AGBL4: variants seen among roughly 807,000 people sequenced by gnomAD.
The protein encoded by AGBL4 is cytosolic carboxypeptidase 6.
AGBL4 carries 58 observed loss-of-function variants against 66.4 expected under a neutral mutation model. That is an observed-to-expected ratio of 0.87 (90% CI 0.71 to 1.09). The LOEUF (loss-of-function observed/expected upper bound fraction) is 1.09, where lower values mean the gene tolerates loss of function less well. Among genes scored for constraint, AGBL4 ranks in the 50% least tolerant of loss-of-function variants. The pLI, the probability that AGBL4 is intolerant of heterozygous loss-of-function variation, is 0.00. For missense variants in AGBL4, 579 were observed against 631.0 expected (o/e 0.92, Z 0.88); for synonymous variants, 234 against 222.9 (o/e 1.05, Z -0.44).
chr1:48,670,737 A>AC (rs1466186729), intron 6 of AGBL4, among the ~76,000 whole-genome samples: 1 of 152,128 alleles, frequency 6.6e-6, no homozygotes, highest in Non-Finnish European at 1.5e-5. Context: ...CAGGCTCCCT[A>AC]CCCCTATCTA....
At chr1:49,981,280 TA>T (rs1425012355) in intron 1 of AGBL4, among the ~76,000 whole-genome samples, 2 of 152,202 alleles carry the variant, frequency 1.3e-5, no homozygotes, top group African/African-American at 2.4e-5. Flanking sequence ...GACAATGCAT[TA>T]TTTTTGTAGT....
chr1:49,073,584 C>T (rs1177923318), intron 4 of AGBL4, among the ~76,000 whole-genome samples: 2 of 152,198 alleles, frequency 1.3e-5, no homozygotes, highest in Non-Finnish European at 2.9e-5. Context: ...GTGGAGGCTG[C>T]AGAACAGCAA....
chr1:48,611,087 C>T (rs547472614), intron 9 of AGBL4, among the ~76,000 whole-genome samples: 56 of 152,364 alleles, frequency 3.7e-4, no homozygotes, highest in Non-Finnish European at 7.5e-4. Flanking sequence ...CTGCTCACAG[C>T]TAAAGCCATT....
At chr1:49,680,358 C>T (rs948260774) in intron 3 of AGBL4, among the ~76,000 whole-genome samples, 34 of 141,156 alleles carry the variant, frequency 2.4e-4, no homozygotes, top group African/African-American at 8.5e-4. Context: ...CAGATTCTTT[C>T]TTTTATCATT....
At chr1:49,752,207 C>T (rs1651531768) in intron 2 of AGBL4, among the ~76,000 whole-genome samples, 1 of 152,146 alleles carries the variant, frequency 6.6e-6, no homozygotes, top group African/African-American at 2.4e-5. Flanking sequence ...CTCATGAGGG[C>T]ATTTAGTGCT....
chr1:49,738,865 T>A (rs1296819704), intron 2 of AGBL4, among the ~76,000 whole-genome samples: 1 of 152,112 alleles, frequency 6.6e-6, no homozygotes. Flanking sequence ...GAAGGAAAAC[T>A]AACAAACAGA....
At chr1:49,630,339 T>C (rs1326947967) in intron 3 of AGBL4, among the ~76,000 whole-genome samples, 4 of 152,198 alleles carry the variant, frequency 2.6e-5, no homozygotes, top group African/African-American at 9.6e-5. Flanking sequence ...GAGTATAGCA[T>C]GTTCTGTGTG....
At chr1:49,225,847 T>C (rs1394788992) in intron 4 of AGBL4, among the ~76,000 whole-genome samples, 5 of 152,164 alleles carry the variant, frequency 3.3e-5, no homozygotes, top group Admixed American at 2.0e-4. Flanking sequence ...CCAGAGCCAG[T>C]AGTGTCTGAG....
At chr1:49,931,209 T>C (rs946845418) in intron 1 of AGBL4, among the ~76,000 whole-genome samples, 22 of 152,234 alleles carry the variant, frequency 1.4e-4, no homozygotes, top group African/African-American at 5.1e-4. Context: ...ATACACTATC[T>C]CTATATTATA....
chr1:49,398,673 T>C (rs1361015052), intron 3 of AGBL4, among the ~76,000 whole-genome samples: 2 of 152,152 alleles, frequency 1.3e-5, no homozygotes, highest in Non-Finnish European at 2.9e-5. Flanking sequence ...AAGCCAGAAA[T>C]CTTCAAAACT....
At chr1:49,772,316 G>C (rs1274547801) in intron 2 of AGBL4, among the ~76,000 whole-genome samples, 1 of 152,018 alleles carries the variant, frequency 6.6e-6, no homozygotes, top group Admixed American at 6.6e-5. Flanking sequence ...TATTTTGTGT[G>C]TTCCTTAAGC....
At chr1:48,860,893 A>G (rs1038529768) in intron 6 of AGBL4, among the ~76,000 whole-genome samples, 2 of 152,238 alleles carry the variant, frequency 1.3e-5, no homozygotes, top group African/African-American at 4.8e-5. Flanking sequence ...AATGCTAAAA[A>G]TGATACTAAA....
At chr1:48,871,571 T>G (rs575094497) in intron 5 of AGBL4, among the ~76,000 whole-genome samples, 2 of 152,242 alleles carry the variant, frequency 1.3e-5, no homozygotes, top group South Asian at 4.2e-4. Context: ...TGGCTGTGTA[T>G]GACCCCTGCA....
At chr1:49,832,040 C>T (rs1327955225) in intron 2 of AGBL4, among the ~76,000 whole-genome samples, 2 of 151,400 alleles carry the variant, frequency 1.3e-5, no homozygotes, top group Admixed American at 6.6e-5. Context: ...TACATGTGCA[C>T]AATGTGCAGG....
intron 12 of AGBL4, among the ~76,000 whole-genome samples, chr1:48,539,278 G>A (rs1426364114): frequency 6.6e-6 from 1 of 152,156 alleles, no homozygotes; most frequent in Non-Finnish European, 1.5e-5. Context: ...TGAGGAAACC[G>A]AAGGATCAGA....
Position 50,021,573 on chromosome 1 carries a change from C to T in AGBL4, c.34+2190G>A, listed in dbSNP as rs377085784. Among the ~76,000 whole-genome samples, 95 of 152,266 alleles carry T rather than the reference C, an allele frequency of 6.2e-4. 1 individual carries two copies. The South Asian group carries it at 9.5e-3, about 15-fold the overall frequency. On this transcript the variant is annotated intron_variant, in intron 1 of 13. Transcript: ENST00000371839. Reference sequence around the variant, plus strand: ...AAATTAGAAAATGAGAAGTAGTCTTCGATACTTCCTTCTCCATCATCCTCA... The same window carrying T: ...AAATTAGAAAATGAGAAGTAGTCTTTGATACTTCCTTCTCCATCATCCTCA...
chr1:48,641,322 G>A (rs1279657513), intron 8 of AGBL4, among the ~76,000 whole-genome samples: 2 of 152,124 alleles, frequency 1.3e-5, no homozygotes. Flanking sequence ...CTGCTGTTGT[G>A]TAGATGGAGG....
chr1:48,583,277 C>G (rs1251188600), intron 11 of AGBL4, among the ~76,000 whole-genome samples: 2 of 152,242 alleles, frequency 1.3e-5, no homozygotes, highest in Non-Finnish European at 2.9e-5. Flanking sequence ...CATTCACATT[C>G]ACATAAACCT....
chr1:48,840,340 G>C (rs948619630), intron 6 of AGBL4, among the ~76,000 whole-genome samples: 1 of 152,080 alleles, frequency 6.6e-6, no homozygotes, highest in African/African-American at 2.4e-5. Context: ...ATGCGTACCT[G>C]CTTATTGAGA....
Sources: allele counts gnomAD v4.1 joint callset (sites outside exome capture counted in the v4.1 genomes callset), GRCh38; gene constraint gnomAD v4.1.1; transcripts MANE v1.5; gene names NCBI Gene and HGNC (gene_info 2026-07-23, HGNC 2026-07-21).